ITGB1: variants seen among roughly 807,000 people sequenced by gnomAD.
ITGB1 encodes integrin subunit beta 1, also known as integrin beta-1.
In ITGB1, 24 loss-of-function variants were observed where a neutral mutation model predicts 86.5. The observed-to-expected ratio is 0.28, with a 90% confidence interval of 0.20 to 0.39. The LOEUF (loss-of-function observed/expected upper bound fraction) is 0.39, where lower values mean the gene tolerates loss of function less well. Ranked by LOEUF, ITGB1 falls within the 10% of genes least tolerant of loss-of-function variation. ITGB1 has a pLI of 1.00. For synonymous variants in ITGB1, 323 were observed against 316.8 expected (o/e 1.02, Z -0.21); for missense variants, 556 against 946.9 (o/e 0.59, Z 5.42).
intron 9 of ITGB1, among the ~76,000 whole-genome samples, chr10:32,920,982 AAAAAAC>A (rs71030022): frequency 1.3e-5 from 2 of 149,842 alleles, no homozygotes; most frequent in African/African-American, 2.4e-5. Flanking sequence ...GACTCCATCT[AAAAAAC>A]AAAAACAAAA....
At chr10:32,901,746 A>G (rs1233664021) in intron 15 of ITGB1, 111 bp from the exon 16 acceptor site, 1 of 678,224 alleles carries the variant, frequency 1.5e-6, no homozygotes, top group African/African-American at 1.8e-5. Flanking sequence ...AGTCATTTCT[A>G]TTTTATTTGT....
At chr10:32,931,339 G>A (rs1035503677) in intron 3 of ITGB1, among the ~76,000 whole-genome samples, 6 of 152,130 alleles carry the variant, frequency 3.9e-5, no homozygotes, top group Admixed American at 3.3e-4. Flanking sequence ...CAAAGGCTAA[G>A]ATAATCCTTA....
At position 32,910,205 on chromosome 10, in the gene ITGB1, CA is replaced by C. The variant is rs748530703; in HGVS notation, c.2164+17del. On this transcript the variant is annotated intron_variant, in intron 14 of 15. Coordinates refer to ENST00000302278, the MANE Select transcript of ITGB1 (RefSeq NM_002211.4). Reference sequence around the variant, plus strand: ...ATACAAGATATGAAAAGAATGTCTGCAATCATCGCATTTCTACCTGGATTCT... The same window carrying C: ...ATACAAGATATGAAAAGAATGTCTGCATCATCGCATTTCTACCTGGATTCT... The C allele has an allele frequency of 1.3e-6, 2 of 1,542,950 alleles. No individual in the cohort carries two copies. Among genetic ancestry groups the C allele is most frequent in the African/African-American group, 2.7e-5 (2 of 73,430 alleles).
At chr10:32,929,285 G>A (rs1327335344) in intron 4 of ITGB1, among the ~76,000 whole-genome samples, 4 of 152,176 alleles carry the variant, frequency 2.6e-5, no homozygotes, top group Non-Finnish European at 5.9e-5. Flanking sequence ...ATGAGGAGGA[G>A]AGGGCTGACC....
At chr10:32,949,605 G>T (rs2137264642) in intron 1 of ITGB1, among the ~76,000 whole-genome samples, 1 of 152,110 alleles carries the variant, frequency 6.6e-6, no homozygotes, top group East Asian at 1.9e-4. Context: ...TTATCTAAGG[G>T]GTCATAATTC....
chr10:32,910,205 C>T lies in ITGB1; in HGVS notation c.2164+18G>A. 2 of 1,543,068 alleles carry T rather than the reference C, an allele frequency of 1.3e-6. No homozygotes were observed. Among genetic ancestry groups the T allele is most frequent in the Non-Finnish European group, 1.8e-6 (2 of 1,116,258 alleles). ...ATACAAGATATGAAAAGAATGTCTGCAATCATCGCATTTCTACCTGGATTC... is the reference window on the plus strand; with the variant it reads ...ATACAAGATATGAAAAGAATGTCTGTAATCATCGCATTTCTACCTGGATTC... On this transcript the variant is annotated intron_variant, in intron 14 of 15. Coordinates refer to ENST00000302278, the MANE Select transcript of ITGB1 (RefSeq NM_002211.4).
rs1243887890 is a variant in ITGB1 at position 32,922,335 on chromosome 10, GTT to G, written c.1048_1049del (p.Asn350LeufsTer4). On this transcript the variant is annotated frameshift_variant, in exon 9 of 16. Transcript: ENST00000302278. LOFTEE classifies it high-confidence loss of function. ...EFQPVYKELK[N>X]LIPKSAVGTL... ...TTCCTACTGCTGACTTAGGGATCAA[GTT>G]TTTCAGCTCCTGCAATTAAAAGATA... 6.2e-7 allele frequency: 1 copy of G among 1,606,064 alleles called. No homozygotes were observed. The highest frequency in any genetic ancestry group is 8.5e-7 in the Non-Finnish European group (1 of 1,175,218).
chr10:32,949,030 G>A (rs748105478), intron 1 of ITGB1, among the ~76,000 whole-genome samples: 1 of 149,874 alleles, frequency 6.7e-6, no homozygotes, highest in Non-Finnish European at 1.5e-5. Flanking sequence ...CAGGCAAGAA[G>A]AAGAGTATAA....
intron 1 of ITGB1, among the ~76,000 whole-genome samples, chr10:32,943,131 A>G (rs559294570): frequency 6.6e-6 from 1 of 152,340 alleles, no homozygotes; most frequent in East Asian, 1.9e-4. Flanking sequence ...AACTTCTCTA[A>G]ACAGAAAAGT....
rs992021441 is a variant in ITGB1, at chr10:32,928,742, ATTATTAT to A, written c.377-485_377-479del. On this transcript the variant is annotated intron_variant, in intron 4 of 15. Coordinates refer to ENST00000302278, the MANE Select transcript of ITGB1 (RefSeq NM_002211.4). ...CAGCTTTAAAAATAATTATTTATTT[ATTATTAT>A]TTATTATTTATTATTTTATTTTTAT... Among the ~76,000 whole-genome samples, 291 of 150,624 alleles carry A rather than the reference ATTATTAT, an allele frequency of 1.9e-3. 1 individual carries two copies. The highest frequency in any genetic ancestry group is 3.3e-3 in the African/African-American group (137 of 41,320).
At chr10:32,917,663 G>A (rs2094936188) in intron 11 of ITGB1, among the ~76,000 whole-genome samples, 2 of 152,318 alleles carry the variant, frequency 1.3e-5, no homozygotes, top group East Asian at 1.9e-4. Flanking sequence ...ACACCAGTTA[G>A]AATGGCGATC....
At chr10:32,921,836 T>C (rs2094950944) in intron 9 of ITGB1, among the ~76,000 whole-genome samples, 1 of 151,894 alleles carries the variant, frequency 6.6e-6, no homozygotes. Flanking sequence ...ATCCTCTGAA[T>C]ATATGGGAAG....
intron 1 of ITGB1, among the ~76,000 whole-genome samples, chr10:32,949,991 A>G (rs2095039606): frequency 6.6e-6 from 1 of 152,140 alleles, no homozygotes; most frequent in African/African-American, 2.4e-5. Flanking sequence ...AAAATAAGCC[A>G]CCTAAAAGCC....
chr10:32,952,675 T>C (rs1037145737), intron 1 of ITGB1, among the ~76,000 whole-genome samples: 3 of 152,172 alleles, frequency 2.0e-5, no homozygotes, highest in Admixed American at 1.3e-4. Flanking sequence ...TAATTTCGTA[T>C]GTAAATATTT....
At position 32,912,127 on chromosome 10, in the gene ITGB1, G is replaced by A; in HGVS notation, c.1470-3C>T. The A allele has an allele frequency of 1.2e-6, 2 of 1,604,180 alleles. No homozygotes were observed. Among genetic ancestry groups the A allele is most frequent in the African/African-American group, 1.3e-5 (1 of 74,552 alleles). ...TACCAACACGCCCTTCATTGCACCT[G>A]AAGAAACATGCCAAAATTGCAATCA... On this transcript the variant is annotated splice_region_variant and splice_polypyrimidine_tract_variant and intron_variant, in intron 11 of 15. Transcript: ENST00000302278.
intron 2 of ITGB1, among the ~76,000 whole-genome samples, chr10:32,933,176 T>C (rs1373231745): frequency 2.0e-5 from 3 of 152,088 alleles, no homozygotes; most frequent in Admixed American, 2.0e-4. Flanking sequence ...GACCGTGATT[T>C]TGGATCACCT....
intron 1 of ITGB1, among the ~76,000 whole-genome samples, chr10:32,949,095 G>A (rs1048461471): frequency 1.5e-4 from 23 of 151,618 alleles, no homozygotes; most frequent in African/African-American, 5.6e-4. Flanking sequence ...ATTTCATTTA[G>A]AACTTTAAAA....
chr10:32,903,351 C>CAAAAAAAAAAA (rs35559257), intron 15 of ITGB1, among the ~76,000 whole-genome samples: 2 of 57,020 alleles, frequency 3.5e-5, no homozygotes, highest in Non-Finnish European at 6.3e-5. Context: ...GACTCCATCT[C>CAAAAAAAAAAA]AAAAAAAAAA....
intron 2 of ITGB1, among the ~76,000 whole-genome samples, chr10:32,934,329 C>T (rs1264261629): frequency 6.6e-6 from 1 of 152,106 alleles, no homozygotes; most frequent in Non-Finnish European, 1.5e-5. Flanking sequence ...ATTTACCTAG[C>T]ATTTACATTG....
Sources: allele counts gnomAD v4.1 joint callset (sites outside exome capture counted in the v4.1 genomes callset), GRCh38; gene constraint gnomAD v4.1.1; transcripts MANE v1.5; gene names NCBI Gene and HGNC (gene_info 2026-07-23, HGNC 2026-07-21).